Variants in CCDC88C observed in about 807,000 individuals in gnomAD.
CCDC88C encodes protein Daple.
Under a neutral mutation model 198.8 loss-of-function variants are expected in CCDC88C, and 131 were observed. That is an observed-to-expected ratio of 0.66 (90% confidence interval 0.57 to 0.76). The LOEUF is 0.76. Ranked by LOEUF, CCDC88C falls within the 30% of genes least tolerant of loss-of-function variation. The pLI, the probability that CCDC88C is intolerant of heterozygous loss-of-function variation, is 0.00. For missense variants in CCDC88C, 2,553 were observed against 2,631.6 expected, an observed-to-expected ratio of 0.97 and a Z score of 0.65; for synonymous variants, 1,166 against 1,114.7, an observed-to-expected ratio of 1.05 and a Z score of -0.92.
At chr14:91,293,352 T>A (rs1890782207) in intron 23 of CCDC88C, among the ~76,000 whole-genome samples, 1 of 84,428 alleles carries the variant, frequency 1.2e-5, no homozygotes, top group Non-Finnish European at 2.3e-5. Flanking sequence ...TCCTGTCCCC[T>A]CGCCTGCCAC....
Position 91,325,012 on chromosome 14 carries a change from G to A in CCDC88C, c.1198-89C>T, listed in dbSNP as rs1172526775. ...TCAGCCCCTGTATAGCTACCGTCAT[G>A]TGCTGTGGATGAAGATGTACTGGCT... On this transcript the variant is annotated intron_variant, in intron 11 of 29. Coordinates refer to ENST00000389857, the MANE Select transcript of CCDC88C (RefSeq NM_001080414.4). This position sits in a 1 kb window ranked among gnomAD's most constrained non-coding sequence, Gnocchi z 4.1. 6.6e-7 allele frequency: 1 copy of A among 1,513,704 alleles called. No homozygotes were observed. Among genetic ancestry groups the A allele is most frequent in the Non-Finnish European group, 9.1e-7 (1 of 1,104,250 alleles). 93.8% of individuals were successfully genotyped at this position (1,513,704 alleles called of 1,614,324 possible).
intron 4 of CCDC88C, among the ~76,000 whole-genome samples, chr14:91,346,251 C>G (rs1365842437): frequency 6.6e-6 from 1 of 152,202 alleles, no homozygotes; most frequent in Non-Finnish European, 1.5e-5. Context: ...GAACTGGGAA[C>G]TGGGGGTTCA....
intron 27 of CCDC88C, chr14:91,279,639 G>T (rs750022797): frequency 6.1e-5 from 13 of 214,132 alleles, no homozygotes; most frequent in Non-Finnish European, 1.0e-4. Context: ...GGCTGTGCTG[G>T]GTGAACCAGA....
chr14:91,331,017 T>C (rs1805001126), intron 10 of CCDC88C, among the ~76,000 whole-genome samples: 2 of 141,476 alleles, frequency 1.4e-5, no homozygotes, highest in South Asian at 4.5e-4. Flanking sequence ...AGGGAGGAAG[T>C]GGTAGGAGGG....
intron 3 of CCDC88C, among the ~76,000 whole-genome samples, chr14:91,361,039 G>C (rs536359371): frequency 9.9e-5 from 15 of 151,784 alleles, no homozygotes; most frequent in African/African-American, 3.4e-4. Context: ...AGCTACTCGG[G>C]AGGATTGCTT....
intron 6 of CCDC88C, among the ~76,000 whole-genome samples, chr14:91,340,413 A>G (rs1293412563): frequency 6.6e-6 from 1 of 152,216 alleles, no homozygotes; most frequent in African/African-American, 2.4e-5. Context: ...AATCTATGCA[A>G]ACAGCAAAAA....
chr14:91,375,125 T>C (rs1224631561), intron 3 of CCDC88C, among the ~76,000 whole-genome samples: 1 of 152,184 alleles, frequency 6.6e-6, no homozygotes, highest in Non-Finnish European at 1.5e-5. Flanking sequence ...GGCTGTGGGC[T>C]CCTGAGGGTG....
At chr14:91,317,853 C>T (rs1403170766) in intron 13 of CCDC88C, among the ~76,000 whole-genome samples, 1 of 152,174 alleles carries the variant, frequency 6.6e-6, no homozygotes, top group Non-Finnish European at 1.5e-5. Context: ...TGGGCGACGC[C>T]CCCGCCAGGT....
intron 5 of CCDC88C, among the ~76,000 whole-genome samples, chr14:91,343,354 C>T (rs148555256): frequency 1.1e-4 from 17 of 152,320 alleles, no homozygotes; most frequent in South Asian, 6.2e-4. Flanking sequence ...ACGCTGGGGA[C>T]GATTTGCTAA....
At chr14:91,373,587 A>C (rs1387938414) in intron 3 of CCDC88C, among the ~76,000 whole-genome samples, 1 of 152,204 alleles carries the variant, frequency 6.6e-6, no homozygotes, top group Non-Finnish European at 1.5e-5. Flanking sequence ...AGTTTGCAGC[A>C]AAAGATCAGA....
chr14:91,273,721 G>T lies in CCDC88C; in HGVS notation c.5059-68C>A. 1 of 1,344,014 alleles carries T rather than the reference G, an allele frequency of 7.4e-7. No individual in the cohort carries two copies. Among genetic ancestry groups the T allele is most frequent in the South Asian group, 2.1e-5 (1 of 47,922 alleles). 83.3% of individuals were successfully genotyped at this position (1,344,014 alleles called of 1,614,324 possible). A position where few individuals can be genotyped will look rare whatever the true frequency, so the allele number is the denominator to read the frequency against. On this transcript the variant is annotated intron_variant, in intron 29 of 29. Transcript: ENST00000389857. The surrounding 1 kb of genome is among the most constrained non-coding windows in gnomAD (Gnocchi z 5.6). ...GGGTGGGTCCTTGGAGCCGCCTCCT[G>T]CGCGGGACGCCCCCGAGCAGCCCAC...
At chr14:91,317,491 T>C (rs1892150726) in intron 13 of CCDC88C, among the ~76,000 whole-genome samples, 1 of 152,226 alleles carries the variant, frequency 6.6e-6, no homozygotes, top group Admixed American at 6.5e-5. Flanking sequence ...AGGGTTCACC[T>C]GTCAAATGCT....
At chr14:91,389,450 C>T (rs557217584) in intron 3 of CCDC88C, among the ~76,000 whole-genome samples, 1 of 152,302 alleles carries the variant, frequency 6.6e-6, no homozygotes, top group Admixed American at 6.5e-5. Context: ...CAGTTTAGTC[C>T]TGCTTGATTT....
chr14:91,294,288 C>T lies in CCDC88C; in HGVS notation c.3997G>A (p.Glu1333Lys), dbSNP rs1301610233. The change falls in exon 23 of 30, where the codon GAA becomes AAA. Residue 1333 changes from glutamate (E) to lysine (K), a missense_variant. Glu to Lys is a moderately conservative substitution (Grantham distance 56). This residue lies in a region of CCDC88C where 1,293 missense variants were observed against 1,219.6 expected (regional missense o/e 1.06). Transcript: ENST00000389857. ...TGGCTCAGGAGGTGATGATTTTCTTCCTCCAAGTTCCCCTTGAGACGGGAG... is the reference window on the plus strand; with the variant it reads ...TGGCTCAGGAGGTGATGATTTTCTTTCTCCAAGTTCCCCTTGAGACGGGAG... ...LLSRLKGNLE[E>K]ENHHLLSQIQ... is the part of the protein sequence containing the mutation. The T allele has an allele frequency of 1.2e-6, 2 of 1,614,010 alleles. No individual in the cohort carries two copies. Among genetic ancestry groups the T allele is most frequent in the Non-Finnish European group, 1.7e-6 (2 of 1,179,896 alleles).
intron 3 of CCDC88C, among the ~76,000 whole-genome samples, chr14:91,365,252 G>C (rs1381726260): frequency 6.6e-6 from 1 of 152,136 alleles, no homozygotes; most frequent in Non-Finnish European, 1.5e-5. Context: ...GACAGAATGA[G>C]AGGCAGGACA....
intron 3 of CCDC88C, among the ~76,000 whole-genome samples, chr14:91,404,964 CAA>C (rs57911960): frequency 9.7e-6 from 1 of 103,378 alleles, no homozygotes. Context: ...GACTCCATCT[CAA>C]AAAAAAAAAA....
rs1479618641 is a variant in CCDC88C, at chr14:91,272,707, C to A, written c.6005G>T (p.Gly2002Val). The A allele has an allele frequency of 1.2e-6, 2 of 1,611,332 alleles. No homozygotes were observed. The highest frequency in any genetic ancestry group is 3.3e-5 in the Admixed American group (2 of 59,992). Residue 2002 changes from glycine (G) to valine (V), a missense_variant, in exon 30 of 30, where the codon GGG becomes GTG. By Grantham distance (109) the Gly-to-Val change is moderately radical. Around this residue, in one of 2 missense-constraint regions of CCDC88C, gnomAD observed 1,293 missense variants for 1,219.6 expected, o/e 1.06. Transcript: ENST00000389857. Reference sequence around the variant, plus strand: ...GGCCGGACTGCTCTTTGAGACGCTCCCTCGACTGCAGTCCTCCAGGGCCCG... The same window carrying A: ...GGCCGGACTGCTCTTTGAGACGCTCACTCGACTGCAGTCCTCCAGGGCCCG... Reference protein sequence around the residue: ...LGRALEDCSRGSVSKSSPASP... With the variant: ...LGRALEDCSRVSVSKSSPASP...
chr14:91,402,411 C>T (rs1404261765), intron 3 of CCDC88C, among the ~76,000 whole-genome samples: 1 of 152,204 alleles, frequency 6.6e-6, no homozygotes, highest in Non-Finnish European at 1.5e-5. Flanking sequence ...ACCACAGAGG[C>T]TGACATCTCA....
At chr14:91,316,000 A>G (rs1892075995) in intron 13 of CCDC88C, 2 of 533,854 alleles carry the variant, frequency 3.7e-6, no homozygotes, top group Admixed American at 6.5e-5. Context: ...CCATCCCCCC[A>G]GCGTCCCTCT....
Sources: gnomAD v4.1 joint callset for allele counts (sites outside exome capture counted in the v4.1 genomes callset) on GRCh38, gnomAD v4.1.1 for gene constraint, gnomAD v4.1.1 regional missense constraint, Gnocchi (gnomAD v3.1) non-coding constraint, MANE v1.5 for transcripts, NCBI Gene and HGNC (gene_info 2026-07-23, HGNC 2026-07-21) for gene names.